The following PPP1R12A variants were observed in gnomAD, a reference collection of about 807,000 sequenced individuals.
PPP1R12A encodes myosin binding subunit.
Under a neutral mutation model 139.6 loss-of-function variants are expected in PPP1R12A, and 19 were observed. The ratio of observed to expected loss-of-function variants is 0.14; its 90% CI spans 0.09 to 0.20. The LOEUF (loss-of-function observed/expected upper bound fraction) is 0.20, where lower values mean the gene tolerates loss of function less well. PPP1R12A is among the 10% of genes least tolerant of loss of function. The pLI is 1.00. For missense variants in PPP1R12A, 925 were observed against 1,211.5 expected, an observed-to-expected ratio of 0.76 and a Z score of 3.51; for synonymous variants, 427 against 420.6, an observed-to-expected ratio of 1.02 and a Z score of -0.19.
intron 1 of PPP1R12A, among the ~76,000 whole-genome samples, chr12:79,886,562 A>G (rs931557573): frequency 6.6e-6 from 1 of 152,156 alleles, no homozygotes; most frequent in African/African-American, 2.4e-5. Context: ...TTGGACAAAC[A>G]AAAGTTGAGG....
rs192144804 is a variant in PPP1R12A, at chr12:79,817,747, A to G, written c.1115-229T>C. Among the ~76,000 whole-genome samples the G allele has an allele frequency of 1.1e-4, 17 of 152,338 alleles. No homozygotes were observed. In the East Asian group the frequency reaches 3.3e-3, roughly 29 times the overall value. On this transcript the variant is annotated intron_variant, in intron 8 of 24. Coordinates refer to ENST00000450142, the MANE Select transcript of PPP1R12A (RefSeq NM_002480.3). ...ATAAAGATACACAACAAAGCTTCTGACAATAAAATGCACAAATAGAATCTG... is the reference window on the plus strand; with the variant it reads ...ATAAAGATACACAACAAAGCTTCTGGCAATAAAATGCACAAATAGAATCTG...
In PPP1R12A at chr12:79,821,121, T is replaced by C. The variant is rs2596781; in HGVS notation, c.913A>G (p.Thr305Ala). ...GACTGATTATTGTCCATATTTGCTG[T>C]TGATTCAATTAGTGGAGATTTCTTG... Reference protein sequence around the residue: ...RDKKSPLIESTANMDNNQSQK... With the variant: ...RDKKSPLIESAANMDNNQSQK... The change falls in exon 7 of 25, where the codon ACA (threonine) becomes GCA (alanine). Residue 305 changes from threonine (T) to alanine (A), a missense_variant. Around this residue, in one of 4 missense-constraint regions of PPP1R12A, gnomAD observed 403 missense variants for 463.7 expected, o/e 0.87. Transcript: ENST00000450142. 2 of 1,613,400 alleles carry C rather than the reference T, an allele frequency of 1.2e-6. No homozygotes were observed. Among genetic ancestry groups the C allele is most frequent in the South Asian group, 2.2e-5 (2 of 91,036 alleles).
At chr12:79,823,990 T>C (rs555380076) in intron 5 of PPP1R12A, 1 of 152,352 alleles carries the variant, frequency 6.6e-6, no homozygotes, top group East Asian at 1.9e-4. Flanking sequence ...ATACTTGCCT[T>C]TTCTTGCTAG....
intron 2 of PPP1R12A, among the ~76,000 whole-genome samples, chr12:79,867,236 G>A (rs1032900194): frequency 7.9e-5 from 12 of 152,044 alleles, no homozygotes; most frequent in East Asian, 1.9e-4. Context: ...ACCAAACACC[G>A]CATGTTCTCA....
chr12:79,888,284 C>A (rs1214289377), intron 1 of PPP1R12A, among the ~76,000 whole-genome samples: 1 of 152,146 alleles, frequency 6.6e-6, no homozygotes, highest in Admixed American at 6.6e-5. Context: ...AAATCAAAAT[C>A]TCTGAAGGTG....
chr12:79,848,903 G>C (rs915863323), intron 2 of PPP1R12A: 1 of 151,960 alleles, frequency 6.6e-6, no homozygotes, highest in Non-Finnish European at 1.5e-5. Context: ...CAGACTTCGG[G>C]TTCAGTTCCC....
chr12:79,820,996 C>G, intron 7 of PPP1R12A, 65 bp from the exon 8 acceptor site: 1 of 1,599,174 alleles, frequency 6.3e-7, no homozygotes, highest in African/African-American at 1.3e-5. Context: ...TTCATTCTTC[C>G]CAGATCCACA....
chr12:79,832,564 A>C (rs1356673538), intron 3 of PPP1R12A, 73 bp from the exon 4 acceptor site: 1 of 1,373,580 alleles, frequency 7.3e-7, no homozygotes, highest in Non-Finnish European at 9.8e-7. Context: ...AACTATCCAA[A>C]ACATGTCAAG....
At chr12:79,918,579 C>G (rs1470500851) in intron 1 of PPP1R12A, among the ~76,000 whole-genome samples, 1 of 152,084 alleles carries the variant, frequency 6.6e-6, no homozygotes, top group Non-Finnish European at 1.5e-5. Flanking sequence ...ATCCCTCAAG[C>G]CAATCCACCT....
intron 14 of PPP1R12A, among the ~76,000 whole-genome samples, chr12:79,800,003 A>T (rs986360616): frequency 3.3e-5 from 5 of 152,134 alleles, no homozygotes; most frequent in Non-Finnish European, 7.4e-5. Context: ...GAGACTCAAA[A>T]AAAAAAGTTA....
chr12:79,805,227 AATG>A (rs995372581), intron 14 of PPP1R12A, among the ~76,000 whole-genome samples: 15 of 152,232 alleles, frequency 9.9e-5, no homozygotes, highest in Non-Finnish European at 1.6e-4. Context: ...CAATGAGAAG[AATG>A]ATAAAACCTG....
chr12:79,823,442 C>T (rs950433516), intron 5 of PPP1R12A, among the ~76,000 whole-genome samples: 1 of 152,128 alleles, frequency 6.6e-6, no homozygotes, highest in East Asian at 1.9e-4. Flanking sequence ...CAACAAACCT[C>T]GTTTCTATAC....
intron 2 of PPP1R12A, among the ~76,000 whole-genome samples, chr12:79,871,964 G>A (rs1216039827): frequency 6.6e-6 from 1 of 152,076 alleles, no homozygotes; most frequent in Non-Finnish European, 1.5e-5. Flanking sequence ...TAAAATTCGG[G>A]TAATTCAGAC....
At chr12:79,923,066 G>C (rs753232313) in intron 1 of PPP1R12A, among the ~76,000 whole-genome samples, 5 of 152,092 alleles carry the variant, frequency 3.3e-5, no homozygotes, top group African/African-American at 7.2e-5. Context: ...CCTGAGGTCA[G>C]GAGTTCAAGA....
intron 3 of PPP1R12A, among the ~76,000 whole-genome samples, chr12:79,837,165 G>GT (rs1878184621): frequency 6.6e-6 from 1 of 151,998 alleles, no homozygotes; most frequent in South Asian, 2.1e-4. Flanking sequence ...TAATTGCAAG[G>GT]TTTTTAAACA....
intron 1 of PPP1R12A, among the ~76,000 whole-genome samples, chr12:79,921,833 A>C (rs1411344460): frequency 6.6e-6 from 1 of 152,244 alleles, no homozygotes; most frequent in Non-Finnish European, 1.5e-5. Flanking sequence ...CATTAGAACT[A>C]AACCTTACAT....
At chr12:79,929,901 G>A (rs1425294478) in intron 1 of PPP1R12A, among the ~76,000 whole-genome samples, 6 of 152,182 alleles carry the variant, frequency 3.9e-5, no homozygotes, top group South Asian at 2.1e-4. Flanking sequence ...TATCTGATGC[G>A]AAGGTTTCAA....
chr12:79,854,628 C>A (rs1439985275), intron 2 of PPP1R12A, among the ~76,000 whole-genome samples: 1 of 152,116 alleles, frequency 6.6e-6, no homozygotes. Context: ...TGTGTGATTT[C>A]TCTCTATGAC....
intron 15 of PPP1R12A, among the ~76,000 whole-genome samples, chr12:79,798,032 TC>T (rs992412153): frequency 8.5e-5 from 13 of 152,234 alleles, no homozygotes; most frequent in Non-Finnish European, 1.8e-4. Flanking sequence ...AATGACATTT[TC>T]TTCATACTTG....
Sources: gnomAD v4.1 joint callset for allele counts (sites outside exome capture counted in the v4.1 genomes callset) on GRCh38, gnomAD v4.1.1 for gene constraint, gnomAD v4.1.1 regional missense constraint, MANE v1.5 for transcripts, NCBI Gene and HGNC (gene_info 2026-07-23, HGNC 2026-07-21) for gene names.